MGAT4C: variants seen among roughly 807,000 people sequenced by gnomAD.
MGAT4C encodes the protein alpha-1,3-mannosyl-glycoprotein 4-beta-N-acetylglucosaminyltransferase C.
A neutral mutation model predicts 40.1 loss-of-function variants in MGAT4C; 19 were observed. That is an observed-to-expected ratio of 0.47 (90% CI 0.33 to 0.70). MGAT4C has a LOEUF of 0.70. Ranked by LOEUF, MGAT4C falls within the 30% of genes least tolerant of loss-of-function variation. The pLI, the probability that MGAT4C is intolerant of heterozygous loss-of-function variation, is 0.02. For missense variants in MGAT4C, 491 were observed against 563.2 expected, an observed-to-expected ratio of 0.87 and a Z score of 1.30; for synonymous variants, 181 against 187.1, an observed-to-expected ratio of 0.97 and a Z score of 0.27.
At chr12:86,159,569 C>A (rs1885358847) in intron 1 of MGAT4C, among the ~76,000 whole-genome samples, 1 of 151,884 alleles carries the variant, frequency 6.6e-6, no homozygotes, top group South Asian at 2.1e-4. Context: ...CCCTCCTCCT[C>A]AACTTTTTGG....
intron 2 of MGAT4C, among the ~76,000 whole-genome samples, chr12:86,471,410 T>C (rs892214090): frequency 8.5e-5 from 13 of 152,086 alleles, no homozygotes; most frequent in African/African-American, 3.1e-4. Context: ...AATATTAAGT[T>C]ATTAACTCAA....
At chr12:86,331,669 C>A (rs1187159885) in intron 4 of MGAT4C, among the ~76,000 whole-genome samples, 2 of 152,114 alleles carry the variant, frequency 1.3e-5, no homozygotes, top group African/African-American at 4.8e-5. Context: ...ATAACCTGAT[C>A]GTCTCCTGGC....
At chr12:86,221,699 T>C (rs1046280145) in intron 1 of MGAT4C, among the ~76,000 whole-genome samples, 5 of 152,168 alleles carry the variant, frequency 3.3e-5, no homozygotes, top group African/African-American at 1.2e-4. Flanking sequence ...GATCAGACCA[T>C]GTCCATATAA....
chr12:86,326,037 G>C (rs996566623), intron 4 of MGAT4C, among the ~76,000 whole-genome samples: 11 of 151,926 alleles, frequency 7.2e-5, no homozygotes, highest in Non-Finnish European at 4.4e-5. Flanking sequence ...ATGTAACTGT[G>C]AGCAAATTAT....
intron 2 of MGAT4C, among the ~76,000 whole-genome samples, chr12:86,490,512 C>A (rs1457799441): frequency 6.6e-6 from 1 of 151,818 alleles, no homozygotes; most frequent in African/African-American, 2.4e-5. Context: ...GAAACTGCAT[C>A]AATTAATGAG....
chr12:86,607,372 C>A (rs1269114546), intron 2 of MGAT4C, among the ~76,000 whole-genome samples: 1 of 151,988 alleles, frequency 6.6e-6, no homozygotes, highest in Admixed American at 6.6e-5. Flanking sequence ...TTTCTGATTT[C>A]ATCATTAAAA....
intron 2 of MGAT4C, among the ~76,000 whole-genome samples, chr12:86,463,292 C>T (rs1251030765): frequency 6.6e-6 from 1 of 152,104 alleles, no homozygotes; most frequent in Non-Finnish European, 1.5e-5. Context: ...ACATAATGAA[C>T]TACTCTACCA....
intron 3 of MGAT4C, among the ~76,000 whole-genome samples, chr12:86,422,853 C>T (rs1956854788): frequency 6.6e-6 from 1 of 152,114 alleles, no homozygotes; most frequent in Non-Finnish European, 1.5e-5. Flanking sequence ...TTTTTCTGCA[C>T]TGCATCCCTC....
At position 86,331,707 on chromosome 12, in the gene MGAT4C, T is replaced by C. The variant is rs138187523; in HGVS notation, c.-57+2358A>G. Among the ~76,000 whole-genome samples, 4 of 152,268 alleles carry C rather than the reference T, an allele frequency of 2.6e-5. No homozygotes were observed. The East Asian group carries it at 7.7e-4, about 29-fold the overall frequency. On this transcript the variant is annotated intron_variant, in intron 4 of 7. Coordinates refer to the MGAT4C transcript ENST00000548651. ...TCCTGGTGGTTGGTAGGGAGGGGCC[T>C]CTCCTGCCTTGCTCATGTCTGCCTG... is the stretch of plus-strand genomic sequence containing the variant.
intron 1 of MGAT4C, among the ~76,000 whole-genome samples, chr12:86,766,575 GCACCA>G (rs1226435230): frequency 2.7e-5 from 4 of 149,882 alleles, no homozygotes; most frequent in African/African-American, 7.3e-5. Flanking sequence ...ATTTTTTTCA[GCACCA>G]CACCACACCT....
At chr12:86,089,009 G>A (rs1872412454) in intron 1 of MGAT4C, among the ~76,000 whole-genome samples, 1 of 151,882 alleles carries the variant, frequency 6.6e-6, no homozygotes, top group South Asian at 2.1e-4. Context: ...TTTGCTGATG[G>A]TTTCTGATGA....
At chr12:86,391,695 A>T (rs1565727327) in intron 3 of MGAT4C, among the ~76,000 whole-genome samples, 1 of 152,066 alleles carries the variant, frequency 6.6e-6, no homozygotes, top group Non-Finnish European at 1.5e-5. Flanking sequence ...CGTCTCTACT[A>T]AAAATACAAA....
chr12:86,089,509 T>C (rs1226954176), intron 1 of MGAT4C, among the ~76,000 whole-genome samples: 1 of 151,826 alleles, frequency 6.6e-6, no homozygotes, highest in Non-Finnish European at 1.5e-5. Context: ...GAATTGTCAA[T>C]GCTCAGGAAA....
rs1181495236 is a variant in MGAT4C at position 85,983,520 on chromosome 12, T to TA, written c.295+2dup. 5.8e-6 allele frequency: 9 copies of TA among 1,547,590 alleles called. No individual in the cohort carries two copies. Among genetic ancestry groups the TA allele is most frequent in the Non-Finnish European group, 7.8e-6 (9 of 1,153,264 alleles). ...CTTTATTTAAATGTTTAAGGATACT[T>TA]ACGCTTTCTTTGTAAAGGTGTGGCA... On this transcript the variant is annotated splice_region_variant and intron_variant, in intron 4 of 4. Transcript: ENST00000611864.
chr12:86,535,577 C>T (rs1363793285), intron 2 of MGAT4C, among the ~76,000 whole-genome samples: 2 of 152,012 alleles, frequency 1.3e-5, no homozygotes, highest in Non-Finnish European at 2.9e-5. Context: ...AGCTAAGGTA[C>T]TTTTTTATCA....
At chr12:86,750,818 C>T (rs966372022) in intron 1 of MGAT4C, among the ~76,000 whole-genome samples, 4 of 151,772 alleles carry the variant, frequency 2.6e-5, no homozygotes, top group Admixed American at 1.3e-4. Context: ...TTGTTGAAGG[C>T]TAATAGGGCA....
intron 2 of MGAT4C, among the ~76,000 whole-genome samples, chr12:86,673,166 G>A (rs752128048): frequency 2.0e-5 from 3 of 152,112 alleles, no homozygotes; most frequent in Admixed American, 6.6e-5. Flanking sequence ...TACGGGAACC[G>A]TTCTATAGAA....
chr12:86,535,656 TA>T (rs1247739993), intron 2 of MGAT4C, among the ~76,000 whole-genome samples: 2 of 152,086 alleles, frequency 1.3e-5, no homozygotes, highest in Admixed American at 1.3e-4. Context: ...ACAGGACTTT[TA>T]AAAAGAACTT....
intron 1 of MGAT4C, among the ~76,000 whole-genome samples, chr12:86,183,931 C>T (rs1472962020): frequency 6.6e-6 from 1 of 152,010 alleles, no homozygotes; most frequent in African/African-American, 2.4e-5. Flanking sequence ...GGACAAAATT[C>T]CACATATATC....
Sources: gnomAD v4.1 joint callset for allele counts (sites outside exome capture counted in the v4.1 genomes callset) on GRCh38, gnomAD v4.1.1 for gene constraint, MANE v1.5 for transcripts, NCBI Gene and HGNC (gene_info 2026-07-23, HGNC 2026-07-21) for gene names.